RAB2A: variants seen among roughly 807,000 people sequenced by gnomAD.
RAB2A encodes the protein RAB2A, member RAS oncogene family, also known as ras-related protein Rab-2A.
In RAB2A, 7 loss-of-function variants were observed where a neutral mutation model predicts 32.5. That is an observed-to-expected ratio of 0.22 (90% CI 0.12 to 0.40). RAB2A has a LOEUF of 0.40. Among genes scored for constraint, RAB2A ranks in the 10% least tolerant of loss-of-function variants. The pLI is 1.00. For synonymous variants in RAB2A, 79 were observed against 85.2 expected (o/e 0.93, Z 0.40); for missense variants, 108 against 260.7 (o/e 0.41, Z 4.03).
At chr8:60,569,842 G>A (rs934843592) in intron 2 of RAB2A, 3 of 384,508 alleles carry the variant, frequency 7.8e-6, no homozygotes, top group East Asian at 7.5e-5. Flanking sequence ...ATAAAGAGAC[G>A]AACATACTAA....
At chr8:60,553,491 A>C (rs1055405180) in intron 1 of RAB2A, among the ~76,000 whole-genome samples, 3 of 152,240 alleles carry the variant, frequency 2.0e-5, no homozygotes, top group Non-Finnish European at 4.4e-5. Flanking sequence ...ATTGAAGTAT[A>C]TTATGCACAC....
chr8:60,619,921 G>A (rs1440896907), intron 7 of RAB2A, among the ~76,000 whole-genome samples: 1 of 152,226 alleles, frequency 6.6e-6, no homozygotes, highest in Non-Finnish European at 1.5e-5. Flanking sequence ...TTATTAAAGA[G>A]GAGTCAAAAG....
intron 3 of RAB2A, among the ~76,000 whole-genome samples, chr8:60,573,164 C>T (rs1017710274): frequency 1.3e-5 from 2 of 152,216 alleles, no homozygotes; most frequent in Non-Finnish European, 2.9e-5. Context: ...AGAACCACTG[C>T]TTTAGGGCAT....
rs1702489620 is a variant in RAB2A, at chr8:60,585,065, A to G, written c.362+250A>G. On this transcript the variant is annotated intron_variant, in intron 5 of 7. Transcript: ENST00000262646. ...TTAAAAAGTAATCTGAAGGAGTTTTATCAGATTACTGATGTAAAGTAAAGC... is the reference window on the plus strand; with the variant it reads ...TTAAAAAGTAATCTGAAGGAGTTTTGTCAGATTACTGATGTAAAGTAAAGC... Among the ~76,000 whole-genome samples, 5 of 152,350 alleles carry G rather than the reference A, an allele frequency of 3.3e-5. No homozygotes were observed. The South Asian group carries it at 8.3e-4, about 25-fold the overall frequency.
At chr8:60,541,754 C>A (rs1586070315) in intron 1 of RAB2A, among the ~76,000 whole-genome samples, 2 of 152,158 alleles carry the variant, frequency 1.3e-5, no homozygotes, top group South Asian at 4.1e-4. Flanking sequence ...TACAGTTCTT[C>A]ATAAGTCTAT....
At chr8:60,548,462 C>T (rs1807779972) in intron 1 of RAB2A, among the ~76,000 whole-genome samples, 2 of 53,474 alleles carry the variant, frequency 3.7e-5, no homozygotes, top group South Asian at 2.1e-3. Flanking sequence ...GTAGGGGCGG[C>T]CGGGCAGAGG....
chr8:60,563,535 T>A (rs2130833845), intron 2 of RAB2A, among the ~76,000 whole-genome samples: 1 of 152,296 alleles, frequency 6.6e-6, no homozygotes, highest in South Asian at 2.1e-4. Flanking sequence ...TTTATGTGCT[T>A]TGCCTTGTGC....
intron 6 of RAB2A, among the ~76,000 whole-genome samples, chr8:60,592,886 A>G (rs1329707196): frequency 6.6e-6 from 1 of 152,242 alleles, no homozygotes; most frequent in African/African-American, 2.4e-5. Flanking sequence ...CCCGATTTCT[A>G]GATAAGAACA....
intron 1 of RAB2A, among the ~76,000 whole-genome samples, chr8:60,558,082 GAGTA>G (rs955418897): frequency 1.3e-5 from 2 of 152,168 alleles, no homozygotes; most frequent in Non-Finnish European, 2.9e-5. Flanking sequence ...TAAAGACTTT[GAGTA>G]AGTGAGTGAA....
intron 6 of RAB2A, among the ~76,000 whole-genome samples, chr8:60,597,330 A>G (rs1804045136): frequency 6.6e-6 from 1 of 152,192 alleles, no homozygotes; most frequent in African/African-American, 2.4e-5. Flanking sequence ...ATTCTCAGCA[A>G]ACTAACACAG....
chr8:60,554,827 TG>T (rs1286817595), intron 1 of RAB2A, among the ~76,000 whole-genome samples: 1 of 151,236 alleles, frequency 6.6e-6, no homozygotes, highest in East Asian at 1.9e-4. Flanking sequence ...CACTCCAGCC[TG>T]GGCGACAGAG....
intron 1 of RAB2A, among the ~76,000 whole-genome samples, chr8:60,520,931 C>A (rs1454724157): frequency 6.6e-6 from 1 of 152,138 alleles, no homozygotes; most frequent in East Asian, 1.9e-4. Flanking sequence ...ATCCTCCCAC[C>A]TAAGTCTTCC....
chr8:60,556,642 A>T (rs758351880), intron 1 of RAB2A, among the ~76,000 whole-genome samples: 59 of 35,916 alleles, frequency 1.6e-3, no homozygotes, highest in South Asian at 4.7e-3. Context: ...TCTTTTTAAT[A>T]AAAAAAAAAA....
chr8:60,618,588 T>C lies in RAB2A; in HGVS notation c.483T>C (p.Ile161=). Residue 161 remains isoleucine, a synonymous_variant, in exon 7 of 8, where the codon ATT becomes ATC. Transcript: ENST00000262646. ...ATTTCTCTATATTTCAGGCATTTAT[T>C]AATACAGCAAAAGAAATTTATGAAA... The part of the protein sequence containing the change: ...KTASNVEEAF[I]NTAKEIYEKI... The C allele has an allele frequency of 8.1e-7, 1 of 1,230,602 alleles. No individual in the cohort carries two copies. The highest frequency in any genetic ancestry group is 1.1e-6 in the Non-Finnish European group (1 of 918,988). The allele number at this position is 1,230,602 out of a possible 1,614,324, so 76.2% of individuals were successfully genotyped here. A position where few individuals can be genotyped will look rare whatever the true frequency, so the allele number is the denominator to read the frequency against.
At chr8:60,591,280 C>CT (rs1304344027) in intron 5 of RAB2A, among the ~76,000 whole-genome samples, 1 of 151,846 alleles carries the variant, frequency 6.6e-6, no homozygotes, top group Non-Finnish European at 1.5e-5. Context: ...CACTCCGTTT[C>CT]TCCTTTTCTG....
chr8:60,530,305 C>T (rs1807457486), intron 1 of RAB2A, among the ~76,000 whole-genome samples: 1 of 152,044 alleles, frequency 6.6e-6, no homozygotes, highest in Non-Finnish European at 1.5e-5. Context: ...ACCAACACAC[C>T]TGGCTACTTT....
intron 2 of RAB2A, 70 bp downstream of exon 2, chr8:60,558,993 C>A: frequency 9.1e-7 from 1 of 1,096,640 alleles, no homozygotes; most frequent in South Asian, 1.3e-5. Context: ...GCTAGAAGGT[C>A]CATTCTACTA....
chr8:60,551,957 G>A (rs1189402291), intron 1 of RAB2A: 3 of 143,526 alleles, frequency 2.1e-5, no homozygotes, highest in East Asian at 2.1e-4. Context: ...TCCACTTCTC[G>A]GGTTTAAGCA....
At chr8:60,619,466 C>G (rs1030385892) in intron 7 of RAB2A, among the ~76,000 whole-genome samples, 1 of 152,218 alleles carries the variant, frequency 6.6e-6, no homozygotes, top group African/African-American at 2.4e-5. Context: ...ATGTATGTCT[C>G]TCTCATCCTA....
Sources: gnomAD v4.1 joint callset for allele counts (sites outside exome capture counted in the v4.1 genomes callset) on GRCh38, gnomAD v4.1.1 for gene constraint, MANE v1.5 for transcripts, NCBI Gene and HGNC (gene_info 2026-07-23, HGNC 2026-07-21) for gene names.